The following ACAD9 variants were observed in gnomAD, a reference collection of about 807,000 sequenced individuals.
ACAD9 encodes the protein complex I assembly factor ACAD9, mitochondrial.
A neutral mutation model predicts 70.2 loss-of-function variants in ACAD9; 53 were observed. That is an observed-to-expected ratio of 0.75 (90% CI 0.61 to 0.95). ACAD9 has a LOEUF of 0.95. Among genes scored for constraint, ACAD9 ranks in the 40% least tolerant of loss-of-function variants. The probability of loss-of-function intolerance (pLI) is 0.00; values close to 1 mark genes in which losing one functional copy is unlikely to be tolerated. For missense variants in ACAD9, 777 were observed against 802.8 expected, an observed-to-expected ratio of 0.97 and a Z score of 0.39; for synonymous variants, 313 against 312.1, an observed-to-expected ratio of 1.00 and a Z score of -0.03.
intron 2 of ACAD9, 153 bp from the exon 3 acceptor site, chr3:128,893,402 C>G: frequency 1.6e-6 from 1 of 632,760 alleles, no homozygotes; most frequent in South Asian, 1.9e-5. Flanking sequence ...TAAAATTGAA[C>G]ACAGGCCAAA....
At chr3:128,906,394 C>T (rs184904240) in intron 12 of ACAD9, 145 bp downstream of exon 12, 2 of 1,271,000 alleles carry the variant, frequency 1.6e-6, no homozygotes, top group South Asian at 2.8e-5. Flanking sequence ...GGCACGTCTC[C>T]TTCCCGACTG....
intron 6 of ACAD9, chr3:128,898,556 G>C (rs1935637640): frequency 2.8e-6 from 1 of 351,742 alleles, no homozygotes; most frequent in South Asian, 2.1e-5. Flanking sequence ...CAGGCACACA[G>C]CTAACTCTTT....
chr3:128,900,912 T>C (rs1009712504), intron 7 of ACAD9, among the ~76,000 whole-genome samples: 2 of 152,174 alleles, frequency 1.3e-5, no homozygotes, highest in African/African-American at 2.4e-5. Flanking sequence ...TTGTTCTGGC[T>C]CTTTATATGC....
intron 2 of ACAD9, among the ~76,000 whole-genome samples, chr3:128,888,734 T>A (rs920079877): frequency 9.9e-5 from 15 of 152,202 alleles, no homozygotes; most frequent in Admixed American, 9.8e-4. Flanking sequence ...ACAAATTATA[T>A]GTTGCTAGTT....
Position 128,896,175 on chromosome 3 carries a change from A to G in ACAD9, c.454-261A>G, listed in dbSNP as rs138671856. Among the ~76,000 whole-genome samples, 325 of 152,338 alleles carry G rather than the reference A, an allele frequency of 2.1e-3. 1 individual carries two copies. The highest frequency in any genetic ancestry group is 7.4e-3 in the African/African-American group (309 of 41,582). ...TTGCCCAAGACCACTAGTCTGGGAA[A>G]TGAAGGAACTGATATGAAAGTTTTG... On this transcript the variant is annotated intron_variant, in intron 4 of 17. Transcript: ENST00000308982.
intron 13 of ACAD9, chr3:128,908,667 T>C (rs1935986968): frequency 5.6e-6 from 3 of 539,094 alleles, no homozygotes; most frequent in Non-Finnish European, 1.0e-5. Context: ...GGCACAGTAA[T>C]CCAAAATCAC....
intron 7 of ACAD9, among the ~76,000 whole-genome samples, chr3:128,900,786 G>A (rs1935716171): frequency 6.6e-6 from 1 of 152,116 alleles, no homozygotes; most frequent in South Asian, 2.1e-4. Flanking sequence ...TCCTCACAGT[G>A]GGAGAGTGCT....
Position 128,908,808 on chromosome 3 carries a change from T to C in ACAD9, c.1359-165T>C, listed in dbSNP as rs185554382. On this transcript the variant is annotated intron_variant, in intron 13 of 17. Coordinates refer to ENST00000308982, the MANE Select transcript of ACAD9 (RefSeq NM_014049.5). Reference sequence around the variant, plus strand: ...TGGCTCCCCTGAGGAGACTGGCTGCTCTCTGGCAGGTGGTGGGTTTGGGGG... The same window carrying C: ...TGGCTCCCCTGAGGAGACTGGCTGCCCTCTGGCAGGTGGTGGGTTTGGGGG... Among the ~76,000 whole-genome samples the C allele has an allele frequency of 5.8e-3, 880 of 152,264 alleles. 4 individuals carry two copies. Among genetic ancestry groups the C allele is most frequent in the Non-Finnish European group, 9.8e-3 (667 of 68,014 alleles).
chr3:128,900,485 A>C (rs1935706054), intron 7 of ACAD9, among the ~76,000 whole-genome samples: 3 of 144,658 alleles, frequency 2.1e-5, no homozygotes, highest in African/African-American at 2.6e-5. Context: ...TGATCCGCTC[A>C]CCTCGGCCTC....
At position 128,895,320 on chromosome 3, in the gene ACAD9, CT is replaced by C. The variant is rs863224844; in HGVS notation, c.359del (p.Phe120SerfsTer9). ...QVPEEYGGLGFSNTMYSRLGE... is the reference protein window; with the variant it reads ...QVPEEYGGLGXSNTMYSRLGE... The stretch of plus-strand genomic sequence containing the variant: ...GTCCATCTCTCCTAGGTGGCCTGGG[CT>C]TCTCCAACACCATGTACTCAAGACT... On this transcript the variant is annotated frameshift_variant, in exon 4 of 18. Transcript: ENST00000308982. LOFTEE classifies it high-confidence loss of function. The C allele has an allele frequency of 8.2e-5, 132 of 1,611,780 alleles. No individual in the cohort carries two copies. The Admixed American group carries it at 1.1e-3, about 14-fold the overall frequency.
At chr3:128,912,426 G>A (rs1235644747) in intron 17 of ACAD9, 81 bp from the exon 18 acceptor site, 2 of 1,321,606 alleles carry the variant, frequency 1.5e-6, no homozygotes, top group South Asian at 2.4e-5. Context: ...CTGACTTTGT[G>A]GAAAAATGCC....
At chr3:128,907,277 A>G (rs1051870980) in intron 12 of ACAD9, among the ~76,000 whole-genome samples, 3 of 152,122 alleles carry the variant, frequency 2.0e-5, no homozygotes, top group Admixed American at 2.0e-4. Context: ...GGTTCCAGCC[A>G]TCTCCACTGT....
intron 6 of ACAD9, 123 bp from the exon 7 acceptor site, chr3:128,899,164 C>G: frequency 1.0e-6 from 1 of 1,000,472 alleles, no homozygotes; most frequent in East Asian, 2.5e-5. Flanking sequence ...TTCTGCAGAG[C>G]CAAGGACCCT....
intron 2 of ACAD9, among the ~76,000 whole-genome samples, chr3:128,887,268 C>A (rs557156307): frequency 1.3e-5 from 2 of 152,028 alleles, no homozygotes; most frequent in Non-Finnish European, 2.9e-5. Flanking sequence ...ACATAGGGCT[C>A]TGTCAGCAAT....
intron 4 of ACAD9, 86 bp from the exon 5 acceptor site, chr3:128,896,350 T>C: frequency 7.3e-7 from 1 of 1,375,000 alleles, no homozygotes; most frequent in East Asian, 2.4e-5. Flanking sequence ...AAGTAAATAT[T>C]TGCCTCAGAA....
chr3:128,903,913 G>A (rs1218009807), intron 9 of ACAD9, 149 bp from the exon 10 acceptor site: 2 of 780,442 alleles, frequency 2.6e-6, no homozygotes, highest in Non-Finnish European at 2.2e-6. Context: ...GCTGGCAAGT[G>A]GGGGTGCCAG....
chr3:128,890,710 CTG>C (rs1001134474), intron 2 of ACAD9, among the ~76,000 whole-genome samples: 4 of 152,016 alleles, frequency 2.6e-5, no homozygotes, highest in Non-Finnish European at 5.9e-5. Flanking sequence ...TCAAAAGAAA[CTG>C]TATAGTTTTA....
At chr3:128,908,123 G>C in intron 12 of ACAD9, 62 bp from the exon 13 acceptor site, 2 of 1,512,556 alleles carry the variant, frequency 1.3e-6, no homozygotes, top group South Asian at 2.2e-5. Context: ...CCCAGCACAC[G>C]TGGCACTACC....
At chr3:128,912,407 G>A in intron 17 of ACAD9, 100 bp from the exon 18 acceptor site, 2 of 1,023,596 alleles carry the variant, frequency 2.0e-6, no homozygotes, top group Non-Finnish European at 3.0e-6. Flanking sequence ...CTGCTTCATG[G>A]TGGGTGGGCT....
Sources: allele counts gnomAD v4.1 joint callset (sites outside exome capture counted in the v4.1 genomes callset), GRCh38; gene constraint gnomAD v4.1.1; transcripts MANE v1.5; gene names NCBI Gene and HGNC (gene_info 2026-07-23, HGNC 2026-07-21).